The following SH3RF1 variants were observed in gnomAD, a reference collection of about 807,000 sequenced individuals.
The protein encoded by SH3RF1 is E3 ubiquitin-protein ligase SH3RF1.
A neutral mutation model predicts 74.0 loss-of-function variants in SH3RF1; 32 were observed. The ratio of observed to expected loss-of-function variants is 0.43; its 90% CI spans 0.33 to 0.58. The LOEUF (loss-of-function observed/expected upper bound fraction) is 0.58. Among genes scored for constraint, SH3RF1 ranks in the 20% least tolerant of loss-of-function variants. SH3RF1 has a pLI of 0.05. For synonymous variants in SH3RF1, 396 were observed against 439.6 expected (o/e 0.90, Z 1.24); for missense variants, 954 against 1,130.9 (o/e 0.84, Z 2.24).
intron 2 of SH3RF1, among the ~76,000 whole-genome samples, chr4:169,226,703 A>G (rs1422468729): frequency 6.6e-6 from 1 of 152,216 alleles, no homozygotes; most frequent in African/African-American, 2.4e-5. Context: ...TATTGTAGAT[A>G]ATAAAACCTA....
Position 169,217,008 on chromosome 4 carries a change from A to C in SH3RF1, c.393+51812T>G, listed in dbSNP as rs1303101430. Among the ~76,000 whole-genome samples the C allele has an allele frequency of 5.1e-5, 7 of 137,020 alleles. No individual in the cohort carries two copies. The East Asian group carries it at 1.1e-3, about 21-fold the overall frequency. 89.9% of individuals were successfully genotyped at this position (137,020 alleles called of 152,430 possible). On this transcript the variant is annotated intron_variant, in intron 2 of 11. Coordinates refer to ENST00000284637, the MANE Select transcript of SH3RF1 (RefSeq NM_020870.4). Reference sequence around the variant, plus strand: ...TCTACAAAAATTACAAAAAAAAAAAAAAAAACCAGCCAGGTGTGGTGGTAC... The same window carrying C: ...TCTACAAAAATTACAAAAAAAAAAACAAAAACCAGCCAGGTGTGGTGGTAC...
chr4:169,197,579 G>A (rs1734834966), intron 2 of SH3RF1, among the ~76,000 whole-genome samples: 1 of 139,122 alleles, frequency 7.2e-6, no homozygotes, highest in South Asian at 2.3e-4. Flanking sequence ...AGCCAAGATT[G>A]CGCCACTGTA....
chr4:169,204,913 A>G (rs928490559), intron 2 of SH3RF1, among the ~76,000 whole-genome samples: 1 of 152,026 alleles, frequency 6.6e-6, no homozygotes, highest in African/African-American at 2.4e-5. Flanking sequence ...GAAAAAAAAA[A>G]TTCTAATATT....
chr4:169,107,269 A>C (rs1451337422), intron 10 of SH3RF1, 64 bp from the exon 11 acceptor site: 2 of 1,398,478 alleles, frequency 1.4e-6, no homozygotes, highest in African/African-American at 2.9e-5. Flanking sequence ...TGTAATCTAA[A>C]GGGCCCTATA....
intron 2 of SH3RF1, among the ~76,000 whole-genome samples, chr4:169,174,135 C>T (rs1003558352): frequency 2.0e-5 from 3 of 152,090 alleles, no homozygotes; most frequent in African/African-American, 7.2e-5. Context: ...GCAATCATGG[C>T]TCACTGCAGC....
At chr4:169,145,650 A>G (rs1733863689) in intron 4 of SH3RF1, among the ~76,000 whole-genome samples, 1 of 139,726 alleles carries the variant, frequency 7.2e-6, no homozygotes, top group Admixed American at 7.6e-5. Context: ...ATATATAATA[A>G]TGTTGGTCAG....
At chr4:169,202,243 G>A (rs576779676) in intron 2 of SH3RF1, among the ~76,000 whole-genome samples, 2 of 152,228 alleles carry the variant, frequency 1.3e-5, no homozygotes, top group South Asian at 2.1e-4. Flanking sequence ...TAGTGCTTTG[G>A]CCCTAACATA....
intron 2 of SH3RF1, among the ~76,000 whole-genome samples, chr4:169,265,140 C>T (rs970028426): frequency 6.6e-6 from 1 of 152,090 alleles, no homozygotes; most frequent in Non-Finnish European, 1.5e-5. Flanking sequence ...TGTGTCTCTC[C>T]CACAAGATGG....
chr4:169,142,804 A>C (rs1415449487), intron 4 of SH3RF1, among the ~76,000 whole-genome samples: 1 of 152,250 alleles, frequency 6.6e-6, no homozygotes, highest in African/African-American at 2.4e-5. Context: ...AGCAGACATG[A>C]AAATATTTTG....
chr4:169,263,275 C>T (rs781544674), intron 2 of SH3RF1, among the ~76,000 whole-genome samples: 62 of 152,166 alleles, frequency 4.1e-4, no homozygotes, highest in Non-Finnish European at 6.8e-4. Flanking sequence ...AAAAAGAACC[C>T]CATCATAGAT....
chr4:169,117,351 C>G (rs1733353401), intron 9 of SH3RF1, among the ~76,000 whole-genome samples, 172 bp downstream of exon 9: 1 of 152,204 alleles, frequency 6.6e-6, no homozygotes, highest in Non-Finnish European at 1.5e-5. Context: ...AAGTAATACG[C>G]AGGGCACGCT....
At chr4:169,187,215 T>C (rs1027828211) in intron 2 of SH3RF1, among the ~76,000 whole-genome samples, 8 of 152,260 alleles carry the variant, frequency 5.3e-5, no homozygotes, top group East Asian at 1.9e-4. Context: ...TGCTGACTGA[T>C]TGAAACAGGG....
chr4:169,108,501 G>A (rs1360284187), intron 10 of SH3RF1, among the ~76,000 whole-genome samples: 1 of 152,202 alleles, frequency 6.6e-6, no homozygotes, highest in Non-Finnish European at 1.5e-5. Flanking sequence ...CGCTGCTCAA[G>A]GACATGTGAA....
chr4:169,205,807 C>T (rs924195618), intron 2 of SH3RF1, among the ~76,000 whole-genome samples: 1 of 152,156 alleles, frequency 6.6e-6, no homozygotes, highest in African/African-American at 2.4e-5. Context: ...AATTTCTCAA[C>T]CACAGATATA....
Position 169,255,881 on chromosome 4 carries a change from C to A in SH3RF1, c.393+12939G>T, listed in dbSNP as rs539482929. Among the ~76,000 whole-genome samples, 4 of 152,222 alleles carry A rather than the reference C, an allele frequency of 2.6e-5. No homozygotes were observed. The South Asian group carries it at 6.2e-4, about 24-fold the overall frequency. ...CTCCTGGATTCAAGCGTTCCTCCCC[C>A]CTCAGCTTCTGAAGTTGCTGAGAGA... On this transcript the variant is annotated intron_variant, in intron 2 of 11. Transcript: ENST00000284637.
intron 11 of SH3RF1, among the ~76,000 whole-genome samples, chr4:169,100,631 T>C (rs1286944882): frequency 6.6e-6 from 1 of 152,210 alleles, no homozygotes; most frequent in Non-Finnish European, 1.5e-5. Context: ...ACCCAGTCTA[T>C]GCAGAGCTCA....
At chr4:169,144,096 AT>A (rs1432119024) in intron 4 of SH3RF1, among the ~76,000 whole-genome samples, 2 of 152,200 alleles carry the variant, frequency 1.3e-5, no homozygotes, top group African/African-American at 4.8e-5. Flanking sequence ...GCTGTACAAA[AT>A]GGGAAGGTAA....
intron 10 of SH3RF1, among the ~76,000 whole-genome samples, chr4:169,108,640 G>A (rs1021314631): frequency 6.6e-6 from 1 of 152,198 alleles, no homozygotes; most frequent in African/African-American, 2.4e-5. Flanking sequence ...CCGGGTAGAG[G>A]AAGATCCTTT....
At chr4:169,166,759 C>T (rs749364518) in intron 2 of SH3RF1, 5 of 212,146 alleles carry the variant, frequency 2.4e-5, no homozygotes, top group Non-Finnish European at 4.7e-5. Context: ...ATGGTTTTCC[C>T]GAAGCAGCTG....
Sources: allele counts gnomAD v4.1 joint callset (sites outside exome capture counted in the v4.1 genomes callset), GRCh38; gene constraint gnomAD v4.1.1; transcripts MANE v1.5; gene names NCBI Gene and HGNC (gene_info 2026-07-23, HGNC 2026-07-21).